The following FBXL5 variants were observed in gnomAD, a reference collection of about 807,000 sequenced individuals.
FBXL5 encodes the protein F-box and leucine rich repeat protein 5, also known as F-box/LRR-repeat protein 5.
A neutral mutation model predicts 78.3 loss-of-function variants in FBXL5; 26 were observed. That is an observed-to-expected ratio of 0.33 (90% CI 0.24 to 0.46). FBXL5 has a LOEUF of 0.46. Ranked by LOEUF, FBXL5 falls within the 20% of genes least tolerant of loss-of-function variation. The pLI is 1.00. For synonymous variants in FBXL5, 295 were observed against 282.5 expected (o/e 1.04, Z -0.45); for missense variants, 710 against 829.2 (o/e 0.86, Z 1.77).
At chr4:15,610,473 C>G (rs577878023) in intron 10 of FBXL5, among the ~76,000 whole-genome samples, 1 of 152,114 alleles carries the variant, frequency 6.6e-6, no homozygotes, top group African/African-American at 2.4e-5. Context: ...CATCACAATT[C>G]ATTTATTTTA....
intron 9 of FBXL5, 35 bp downstream of exon 9, chr4:15,625,217 G>A (rs913831146): frequency 9.1e-6 from 14 of 1,531,022 alleles, no homozygotes; most frequent in African/African-American, 3.1e-5. Context: ...ATGAGAACAC[G>A]TCTATTTCTT....
intron 1 of FBXL5, among the ~76,000 whole-genome samples, chr4:15,668,716 G>GA (rs201304444): frequency 0.017 from 2,560 of 152,068 alleles, 73 homozygotes; most frequent in African/African-American, 0.058. Context: ...ACTGACAAAG[G>GA]AAAAAAATAC....
At chr4:15,662,056 G>T (rs1000576258), upstream of FBXL5, among the ~76,000 whole-genome samples, 1 of 152,158 alleles carries the variant, frequency 6.6e-6, no homozygotes, top group African/African-American at 2.4e-5. Context: ...AAATAAGTCA[G>T]TCTTTTATAA....
At chr4:15,617,868 ATACG>A (rs1712071788) in intron 9 of FBXL5, among the ~76,000 whole-genome samples, 1 of 152,222 alleles carries the variant, frequency 6.6e-6, no homozygotes, top group African/African-American at 2.4e-5. Flanking sequence ...GCTGGGATTA[ATACG>A]TGAGTGATGG....
rs1713336066 is a variant in FBXL5, at chr4:15,628,803, ACG to A, written c.893-772_893-771del. On this transcript the variant is annotated intron_variant, in intron 6 of 10. Coordinates refer to ENST00000341285, the MANE Select transcript of FBXL5 (RefSeq NM_012161.4). ...CACACACACACGCACACACACACAC[ACG>A]AAGATAAAATATAAGGAGATAAAAA... Among the ~76,000 whole-genome samples, 3 of 147,736 alleles carry A rather than the reference ACG, an allele frequency of 2.0e-5. No homozygotes were observed. The Admixed American group carries it at 2.0e-4, about 10-fold the overall frequency.
intron 1 of FBXL5, among the ~76,000 whole-genome samples, chr4:15,680,458 G>C (rs954612146): frequency 7.9e-5 from 12 of 152,144 alleles, no homozygotes; most frequent in African/African-American, 1.2e-4. Context: ...ATCACCTGAG[G>C]TCAGGAGTTC....
intron 2 of FBXL5, chr4:15,641,578 T>C (rs1450583647): frequency 2.2e-6 from 1 of 457,172 alleles, no homozygotes; most frequent in Non-Finnish European, 4.4e-6. Flanking sequence ...AAATAATTGT[T>C]ATTCGATTGT....
chr4:15,658,135 G>A (rs1717104777), upstream of FBXL5, among the ~76,000 whole-genome samples: 1 of 152,190 alleles, frequency 6.6e-6, no homozygotes, highest in African/African-American at 2.4e-5. Flanking sequence ...AGGGTTATTG[G>A]CCAGGGAGGG....
At chr4:15,662,488 A>G (rs1373546257), upstream of FBXL5, among the ~76,000 whole-genome samples, 3 of 152,208 alleles carry the variant, frequency 2.0e-5, no homozygotes, top group African/African-American at 7.2e-5. Flanking sequence ...ATTCAATACT[A>G]TCTTTTAATA....
intron 6 of FBXL5, among the ~76,000 whole-genome samples, chr4:15,629,812 G>C (rs1713438101): frequency 2.6e-5 from 4 of 152,176 alleles, no homozygotes; most frequent in Admixed American, 2.6e-4. Flanking sequence ...CTTTCCACGT[G>C]TCTTTTTTCC....
intron 1 of FBXL5, among the ~76,000 whole-genome samples, chr4:15,672,361 A>C (rs28820655): frequency 0.24 from 36,684 of 152,118 alleles, 4,659 homozygotes; most frequent in African/African-American, 0.28. Flanking sequence ...GTTCTGAGGA[A>C]TGCACCTTTA....
chr4:15,639,057 G>A (rs139375598), intron 3 of FBXL5, among the ~76,000 whole-genome samples: 4,921 of 152,276 alleles, frequency 0.032, 221 homozygotes, highest in East Asian at 0.22. Flanking sequence ...CCAGCTACTC[G>A]AGAGACTGAG....
chr4:15,633,899 G>T (rs1326998752), intron 5 of FBXL5, among the ~76,000 whole-genome samples: 1 of 152,108 alleles, frequency 6.6e-6, no homozygotes, highest in Non-Finnish European at 1.5e-5. Context: ...ACCGTGCCTG[G>T]CCAATTTACT....
chr4:15,655,422 C>T (rs1299586286), upstream of FBXL5: 12 of 996,204 alleles, frequency 1.2e-5, no homozygotes, highest in Admixed American at 6.1e-5. Context: ...TCGGCTTGGC[C>T]GGCGGGGACG....
chr4:15,677,519 C>T (rs1243812508), intron 1 of FBXL5, among the ~76,000 whole-genome samples: 1 of 152,156 alleles, frequency 6.6e-6, no homozygotes, highest in Non-Finnish European at 1.5e-5. Context: ...ATCTCACTAT[C>T]TCTGACAAGG....
intron 1 of FBXL5, among the ~76,000 whole-genome samples, chr4:15,652,842 T>G (rs1269081300): frequency 6.6e-6 from 1 of 152,170 alleles, no homozygotes; most frequent in Non-Finnish European, 1.5e-5. Context: ...CTTTTTAGTC[T>G]GAGCATAAAA....
Position 15,625,260 on chromosome 4 carries a change from A to G in FBXL5, c.1842T>C (p.His614=). 2 of 1,607,200 alleles carry G rather than the reference A, an allele frequency of 1.2e-6. No individual in the cohort carries two copies. The highest frequency in any genetic ancestry group is 1.7e-6 in the Non-Finnish European group (2 of 1,176,470). ...SLSGCYQITD[H]GLRVLTLGGG... ...TGGAACTGATAACTCACCTGAGACC[A>G]TGGTCTGTGATCTGATAACATCCAG... Residue 614 remains histidine (H), a synonymous_variant, in exon 9 of 11, where the codon CAT becomes CAC. Transcript: ENST00000341285.
At chr4:15,673,931 G>A (rs575017908) in intron 1 of FBXL5, among the ~76,000 whole-genome samples, 2 of 152,192 alleles carry the variant, frequency 1.3e-5, no homozygotes, top group Non-Finnish European at 2.9e-5. Context: ...ATTGATCAAG[G>A]TTCACTGTCC....
chr4:15,659,650 G>T, upstream of FBXL5: 2 of 559,428 alleles, frequency 3.6e-6, no homozygotes, highest in Non-Finnish European at 4.5e-6. Flanking sequence ...GTGTATAGTG[G>T]TCCATAAAGT....
Sources: gnomAD v4.1 joint callset for allele counts (sites outside exome capture counted in the v4.1 genomes callset) on GRCh38, gnomAD v4.1.1 for gene constraint, MANE v1.5 for transcripts, NCBI Gene and HGNC (gene_info 2026-07-23, HGNC 2026-07-21) for gene names.